CDIPT: variants seen among roughly 807,000 people sequenced by gnomAD.
CDIPT encodes CDP-diacylglycerol--inositol 3-phosphatidyltransferase.
In CDIPT, 17 loss-of-function variants were observed where a neutral mutation model predicts 21.6. That is an observed-to-expected ratio of 0.79 (90% confidence interval 0.54 to 1.18). The LOEUF (loss-of-function observed/expected upper bound fraction) is 1.18. Among genes scored for constraint, CDIPT ranks in the 50% most tolerant of loss-of-function variants. CDIPT has a pLI of 0.00. For synonymous variants in CDIPT, 119 were observed against 117.9 expected (o/e 1.01, Z -0.06); for missense variants, 254 against 284.9 (o/e 0.89, Z 0.78).
rs752280057 is a variant in CDIPT at position 29,862,710 on chromosome 16, C to G, written c.54G>C (p.Arg18=). The G allele has an allele frequency of 8.7e-6, 14 of 1,614,044 alleles. No homozygotes were observed. Among genetic ancestry groups the G allele is most frequent in the Non-Finnish European group, 1.1e-5 (13 of 1,179,936 alleles). The change falls in exon 2 of 6, where the codon CGG becomes CGC. Residue 18 remains arginine, a synonymous_variant. Coordinates refer to ENST00000219789, the MANE Select transcript of CDIPT (RefSeq NM_006319.5). This position sits in a 1 kb window ranked among gnomAD's most constrained non-coding sequence, Gnocchi z 6.7. ...LFVPNLIGYA[R]IVFAIISFYF... is the part of the protein sequence containing the mutation. ...AGAAAGAAATGATGGCGAAGACAATCCGGGCATAACCTTGGAACGGGACGC... is the reference window on the plus strand; with the variant it reads ...AGAAAGAAATGATGGCGAAGACAATGCGGGCATAACCTTGGAACGGGACGC...
chr16:29,859,180 G>A lies in CDIPT; in HGVS notation c.*9C>T, dbSNP rs944661786. On this transcript the variant is annotated 3_prime_UTR_variant, in exon 6 of 6. Coordinates refer to ENST00000219789, the MANE Select transcript of CDIPT (RefSeq NM_006319.5). The surrounding 1 kb of genome is among the most constrained non-coding windows in gnomAD (Gnocchi z 4.5). ...GGCAGGTGGGCAGCCAGGACCCGGG[G>A]CTCCAGCGTCACTTCTTCTTGGCGC... 6.3e-6 allele frequency: 10 copies of A among 1,590,544 alleles called. No individual in the cohort carries two copies. Among genetic ancestry groups the A allele is most frequent in the South Asian group, 1.1e-5 (1 of 87,454 alleles).
chr16:29,859,449 T>C lies in CDIPT; in HGVS notation c.489A>G (p.Gly163=). The C allele has an allele frequency of 6.2e-7, 1 of 1,612,196 alleles. No homozygotes were observed. The highest frequency in any genetic ancestry group is 1.1e-5 in the South Asian group (1 of 90,898). Residue 163 remains glycine, a synonymous_variant, in exon 5 of 6, where the codon GGA becomes GGG. Transcript: ENST00000219789. The surrounding 1 kb of genome is among the most constrained non-coding windows in gnomAD (Gnocchi z 4.5). ...CAGCCCCTCATCTCCTACCTAAAGG[T>C]CCCTCAGAGAAATGGAACAGGTAGA... ...CLLYLFHFSE[G]PLVGSVGLFR... is the part of the protein sequence containing the mutation.
intron 3 of CDIPT, 88 bp downstream of exon 3, chr16:29,861,018 G>A: frequency 7.3e-7 from 1 of 1,362,178 alleles, no homozygotes; most frequent in Non-Finnish European, 1.0e-6. Flanking sequence ...AGGATGCCTA[G>A]TGCCATCCCA....
Position 29,861,174 on chromosome 16 carries a change from A to G in CDIPT, c.264T>C (p.Pro88=). 1 of 1,614,198 alleles carries G rather than the reference A, an allele frequency of 6.2e-7. No individual in the cohort carries two copies. The highest frequency in any genetic ancestry group is 8.5e-7 in the Non-Finnish European group (1 of 1,180,038). The change falls in exon 3 of 6, where the codon CCT becomes CCC. Residue 88 remains proline (P), a synonymous_variant. Transcript: ENST00000219789. ...CLLVNLALLY[P]GATLFFQISM... ...TGATTTGGAAGAACAGCGTGGCTCCAGGGTACAGCAGGGCCAGGTTGACCA... is the reference window on the plus strand; with the variant it reads ...TGATTTGGAAGAACAGCGTGGCTCCGGGGTACAGCAGGGCCAGGTTGACCA...
Position 29,859,073 on chromosome 16 carries a change from G to T in CDIPT, c.*116C>A. 2 of 1,150,430 alleles carry T rather than the reference G, an allele frequency of 1.7e-6. No individual in the cohort carries two copies. The highest frequency in any genetic ancestry group is 1.2e-6 in the Non-Finnish European group (1 of 818,960). 71.3% of individuals were successfully genotyped at this position (1,150,430 alleles called of 1,614,324 possible). A position where few individuals can be genotyped will look rare whatever the true frequency, so the allele number is the denominator to read the frequency against. ...GAGAGGCTGACCCCCATCCCAGCAG[G>T]TAGAACAACACATGAGGAAGGCGTG... On this transcript the variant is annotated 3_prime_UTR_variant, in exon 6 of 6. Transcript: ENST00000219789. The surrounding 1 kb of genome is among the most constrained non-coding windows in gnomAD (Gnocchi z 4.5).
Position 29,861,231 on chromosome 16 carries a change from C to T in CDIPT, c.207G>A (p.Met69Ile). ...ACATGGTGGAGCAGCGGTCCGTCAG[C>T]ATGTCCAGCATGGCCCCAAACCGGG... The part of the protein sequence containing the change: ...QGTRFGAMLD[M>I]LTDRCSTMCL... Residue 69 changes from methionine (M) to isoleucine (I), a missense_variant, in exon 3 of 6, where the codon ATG becomes ATA. Coordinates refer to ENST00000219789, the MANE Select transcript of CDIPT (RefSeq NM_006319.5). 6.2e-7 allele frequency: 1 copy of T among 1,614,226 alleles called. No individual in the cohort carries two copies. Among genetic ancestry groups the T allele is most frequent in the Non-Finnish European group, 8.5e-7 (1 of 1,180,038 alleles).
chr16:29,860,463 G>A, intron 4 of CDIPT, 118 bp downstream of exon 4: 1 of 685,148 alleles, frequency 1.5e-6, no homozygotes, highest in South Asian at 1.7e-5. Context: ...CCTCCTCCTG[G>A]AGTGACTGGG....
chr16:29,859,274 T>C lies in CDIPT; in HGVS notation c.557A>G (p.Lys186Arg). Residue 186 changes from lysine to arginine, a missense_variant, in exon 6 of 6, where the codon AAG becomes AGG. Physicochemically the swap from Lys to Arg is conservative, Grantham distance 26 (BLOSUM62 2). Transcript: ENST00000219789. This position sits in a 1 kb window ranked among gnomAD's most constrained non-coding sequence, Gnocchi z 4.5. ...CAGGTGGATGACGCTGATGAGCGAC[T>C]TCAGCAAGGCGATGGGGGCAGTGAC... ...LWVTAPIALL[K>R]SLISVIHLIT... 6.3e-7 allele frequency: 1 copy of C among 1,583,754 alleles called. No homozygotes were observed. Among genetic ancestry groups the C allele is most frequent in the Non-Finnish European group, 8.6e-7 (1 of 1,165,184 alleles).
rs960841457 is a variant in CDIPT, at chr16:29,862,278, C to T, written c.178+308G>A. Among the ~76,000 whole-genome samples the T allele has an allele frequency of 1.3e-5, 2 of 152,012 alleles. No individual in the cohort carries two copies. The highest frequency in any genetic ancestry group is 2.9e-5 in the Non-Finnish European group (2 of 68,004). Reference sequence around the variant, plus strand: ...TCTCTACAAAAATTTAAAAATTAGCCGGGTGTGGTGGCACGCTCCTGTAGT... The same window carrying T: ...TCTCTACAAAAATTTAAAAATTAGCTGGGTGTGGTGGCACGCTCCTGTAGT... On this transcript the variant is annotated intron_variant, in intron 2 of 5. Coordinates refer to ENST00000219789, the MANE Select transcript of CDIPT (RefSeq NM_006319.5). The surrounding 1 kb of genome is among the most constrained non-coding windows in gnomAD (Gnocchi z 6.7).
Position 29,862,688 on chromosome 16 carries a change from AAG to A in CDIPT, c.74_75del (p.Ser25PhefsTer33). On this transcript the variant is annotated frameshift_variant, in exon 2 of 6. Transcript: ENST00000219789. LOFTEE classifies it high-confidence loss of function. The surrounding 1 kb of genome is among the most constrained non-coding windows in gnomAD (Gnocchi z 6.7). ...AGGGGGCAGCAGGGCATGAAGTAGA[AAG>A]AAATGATGGCGAAGACAATCCGGGC... ...GYARIVFAII[S>X]FYFMPCCPLT... The A allele has an allele frequency of 6.2e-7, 1 of 1,614,080 alleles. No individual in the cohort carries two copies. The highest frequency in any genetic ancestry group is 8.5e-7 in the Non-Finnish European group (1 of 1,179,982).
Position 29,858,936 on chromosome 16 carries a change from T to C in CDIPT, c.*253A>G. ...GGACTGAGCAGGCAGGGTGTGACACTGCCCGGTCCCGGCACCCCAGGAGCA... is the reference window on the plus strand; with the variant it reads ...GGACTGAGCAGGCAGGGTGTGACACCGCCCGGTCCCGGCACCCCAGGAGCA... On this transcript the variant is annotated 3_prime_UTR_variant, in exon 6 of 6. Coordinates refer to ENST00000219789, the MANE Select transcript of CDIPT (RefSeq NM_006319.5). 1 of 539,170 alleles carries C rather than the reference T, an allele frequency of 1.9e-6. No individual in the cohort carries two copies. The highest frequency in any genetic ancestry group is 3.4e-5 in the Admixed American group (1 of 29,722). 33.4% of individuals were successfully genotyped at this position (539,170 alleles called of 1,614,324 possible). A position where few individuals can be genotyped will look rare whatever the true frequency, so the allele number is the denominator to read the frequency against.
rs2067698678 is a variant in CDIPT at position 29,863,075 on chromosome 16, C to T, written c.-218G>A. Reference sequence around the variant, plus strand: ...GACGCAGGGGGCGCGCGCAGTCCGCCCTTCCTACCCGCAACCTCCCTCGCC... The same window carrying T: ...GACGCAGGGGGCGCGCGCAGTCCGCTCTTCCTACCCGCAACCTCCCTCGCC... On this transcript the variant is annotated 5_prime_UTR_variant, in exon 1 of 6. Coordinates refer to ENST00000219789, the MANE Select transcript of CDIPT (RefSeq NM_006319.5). The T allele has an allele frequency of 1.7e-6, 1 of 589,994 alleles. No individual in the cohort carries two copies. The highest frequency in any genetic ancestry group is 1.9e-5 in the South Asian group (1 of 52,804). The allele number at this position is 589,994 out of a possible 1,614,324, so 36.5% of individuals were successfully genotyped here.
chr16:29,861,945 C>A (rs533355350), intron 2 of CDIPT, among the ~76,000 whole-genome samples: 64 of 152,134 alleles, frequency 4.2e-4, no homozygotes, highest in African/African-American at 1.3e-3. Flanking sequence ...GTTGGCCAGG[C>A]TGGTCTCGAA....
chr16:29,862,501 C>T lies in CDIPT; in HGVS notation c.178+85G>A, dbSNP rs1406150686. On this transcript the variant is annotated intron_variant, in intron 2 of 5. Transcript: ENST00000219789. This position sits in a 1 kb window ranked among gnomAD's most constrained non-coding sequence, Gnocchi z 6.7. ...TTTTCCAGAGATGGGAATGACAGCC[C>T]TCTGACTCTGAGGTCCCGAGGAGGC... 4 of 1,387,518 alleles carry T rather than the reference C, an allele frequency of 2.9e-6. No homozygotes were observed. Among genetic ancestry groups the T allele is most frequent in the Non-Finnish European group, 4.0e-6 (4 of 1,006,448 alleles). The allele number at this position is 1,387,518 out of a possible 1,614,324, so 86.0% of individuals were successfully genotyped here.
Position 29,863,072 on chromosome 16 carries a change from C to T in CDIPT, c.-215G>A. ...CGGGACGCAGGGGGCGCGCGCAGTCCGCCCTTCCTACCCGCAACCTCCCTC... is the reference window on the plus strand; with the variant it reads ...CGGGACGCAGGGGGCGCGCGCAGTCTGCCCTTCCTACCCGCAACCTCCCTC... On this transcript the variant is annotated 5_prime_UTR_variant, in exon 1 of 6. Transcript: ENST00000219789. 3.3e-6 allele frequency: 2 copies of T among 600,380 alleles called. No individual in the cohort carries two copies. Among genetic ancestry groups the T allele is most frequent in the Non-Finnish European group, 5.8e-6 (2 of 344,678 alleles). 37.2% of individuals were successfully genotyped at this position (600,380 alleles called of 1,614,324 possible).
Position 29,863,053 on chromosome 16 carries a change from G to A in CDIPT, c.-196C>T, listed in dbSNP as rs1013876852. On this transcript the variant is annotated 5_prime_UTR_variant, in exon 1 of 6. Transcript: ENST00000219789. ...GGACCGGCCCCGAGGTGCGCGGGAC[G>A]CAGGGGGCGCGCGCAGTCCGCCCTT... 2 of 648,034 alleles carry A rather than the reference G, an allele frequency of 3.1e-6. No individual in the cohort carries two copies. The highest frequency in any genetic ancestry group is 3.3e-5 in the East Asian group (1 of 30,240). 40.1% of individuals were successfully genotyped at this position (648,034 alleles called of 1,614,324 possible).
intron 4 of CDIPT, among the ~76,000 whole-genome samples, chr16:29,860,341 C>T (rs1384531357): frequency 6.6e-6 from 1 of 152,202 alleles, no homozygotes; most frequent in Non-Finnish European, 1.5e-5. Context: ...GCTTATCTCC[C>T]TTCCCGCTTT....
Position 29,860,216 on chromosome 16 carries a change from G to A in CDIPT, c.414+365C>T, listed in dbSNP as rs183210092. On this transcript the variant is annotated intron_variant, in intron 4 of 5. Coordinates refer to ENST00000219789, the MANE Select transcript of CDIPT (RefSeq NM_006319.5). ...TCCTCCCACCTCAGCCTCCCAAAGCGCTGGGATTACAGGCATGAGCCACCA... is the reference window on the plus strand; with the variant it reads ...TCCTCCCACCTCAGCCTCCCAAAGCACTGGGATTACAGGCATGAGCCACCA... 5.3e-4 allele frequency among the ~76,000 whole-genome samples: 81 copies of A among 152,114 alleles called. 1 individual carries two copies. The highest frequency in any genetic ancestry group is 3.4e-3 in the Middle Eastern group (1 of 294).
rs778010231 is a variant in CDIPT at position 29,861,281 on chromosome 16, G to A, written c.179-22C>T. On this transcript the variant is annotated intron_variant, in intron 2 of 5. Coordinates refer to ENST00000219789, the MANE Select transcript of CDIPT (RefSeq NM_006319.5). ...GTTCCTGGAAGATTAGGTGGGCAAG[G>A]GCTGTTATGGCACAGTGGATGCAGG... is the stretch of plus-strand genomic sequence containing the variant. 19 of 1,613,768 alleles carry A rather than the reference G, an allele frequency of 1.2e-5. No individual in the cohort carries two copies. The South Asian group carries it at 2.0e-4, about 17-fold the overall frequency.
Sources: allele counts gnomAD v4.1 joint callset (sites outside exome capture counted in the v4.1 genomes callset), GRCh38; gene constraint gnomAD v4.1.1; non-coding constraint Gnocchi (gnomAD v3.1); transcripts MANE v1.5; gene names NCBI Gene and HGNC (gene_info 2026-07-23, HGNC 2026-07-21).